CACNA1C: variants seen among roughly 807,000 people sequenced by gnomAD.
CACNA1C encodes calcium voltage-gated channel subunit alpha1 C.
CACNA1C carries 30 observed loss-of-function variants against 229.0 expected under a neutral mutation model. That is an observed-to-expected ratio of 0.13 (90% CI 0.10 to 0.18). The LOEUF is 0.18. Ranked by LOEUF, CACNA1C falls within the 10% of genes least tolerant of loss-of-function variation. The probability of loss-of-function intolerance (pLI) is 1.00; values close to 1 mark genes in which losing one functional copy is unlikely to be tolerated. For missense variants in CACNA1C, 1,658 were observed against 2,845.0 expected (o/e 0.58, Z 9.49); for synonymous variants, 1,114 against 1,132.5 (o/e 0.98, Z 0.33).
chr12:2,654,532 A>G lies in CACNA1C; in HGVS notation c.4141-615A>G, dbSNP rs936263370. ...CCAAACTTGGCAGGGCGCCCACACTAGCCCAAAGCGCTTCCTCGGCCGCTC... is the reference window on the plus strand; with the variant it reads ...CCAAACTTGGCAGGGCGCCCACACTGGCCCAAAGCGCTTCCTCGGCCGCTC... On this transcript the variant is annotated intron_variant, in intron 33 of 46. Transcript: ENST00000399655. This position sits in a 1 kb window ranked among gnomAD's most constrained non-coding sequence, Gnocchi z 4.4. 6.6e-6 allele frequency among the ~76,000 whole-genome samples: 1 copy of G among 152,170 alleles called. No homozygotes were observed. Among genetic ancestry groups the G allele is most frequent in the East Asian group, 1.9e-4 (1 of 5,182 alleles).
intron 3 of CACNA1C, among the ~76,000 whole-genome samples, chr12:2,358,296 TGTGTGTGTGTGTC>T (rs2097447804): frequency 7.2e-6 from 1 of 138,580 alleles, no homozygotes; most frequent in African/African-American, 2.9e-5. Context: ...TGTGTGTGTG[TGTGTGTGTGTGTC>T]TCTTTGTCAT....
chr12:2,311,588 C>T (rs753676550), intron 3 of CACNA1C, among the ~76,000 whole-genome samples: 4 of 152,280 alleles, frequency 2.6e-5, no homozygotes, highest in Middle Eastern at 3.4e-3. Flanking sequence ...CGTGAGAAGC[C>T]TAACTGGGCA....
intron 3 of CACNA1C, among the ~76,000 whole-genome samples, chr12:2,386,438 C>A (rs1362330535): frequency 6.6e-6 from 1 of 152,222 alleles, no homozygotes; most frequent in South Asian, 2.1e-4. Context: ...CTGCCACACA[C>A]AACCAACTGC....
intron 1 of CACNA1C, among the ~76,000 whole-genome samples, chr12:2,076,850 T>G (rs2063394344): frequency 6.6e-6 from 1 of 152,206 alleles, no homozygotes; most frequent in South Asian, 2.1e-4. Flanking sequence ...ACGCAGTTGC[T>G]GTGTGTGAAG....
intron 3 of CACNA1C, among the ~76,000 whole-genome samples, chr12:2,260,352 T>G (rs1240423264): frequency 2.0e-5 from 3 of 151,366 alleles, no homozygotes; most frequent in African/African-American, 7.3e-5. Context: ...GCCACGTGCC[T>G]GTAGTCCCAG....
chr12:2,194,081 T>C (rs1162677945), intron 3 of CACNA1C, among the ~76,000 whole-genome samples: 1 of 152,104 alleles, frequency 6.6e-6, no homozygotes, highest in Non-Finnish European at 1.5e-5. Context: ...TTCCCACTGA[T>C]GCAGCCCAAG....
intron 3 of CACNA1C, among the ~76,000 whole-genome samples, chr12:2,308,554 G>C (rs2095232636): frequency 6.6e-6 from 1 of 152,162 alleles, no homozygotes; most frequent in Non-Finnish European, 1.5e-5. Flanking sequence ...TCTTGTTTTT[G>C]TGCCAGTACC....
intron 3 of CACNA1C, among the ~76,000 whole-genome samples, chr12:2,284,543 GGA>G (rs1206887974): frequency 6.6e-6 from 1 of 152,112 alleles, no homozygotes; most frequent in Non-Finnish European, 1.5e-5. Flanking sequence ...AACTCTTTAG[GGA>G]GAGAGCTCAC....
At chr12:2,662,188 G>A (rs1364045383) in intron 34 of CACNA1C, among the ~76,000 whole-genome samples, 1 of 151,080 alleles carries the variant, frequency 6.6e-6, no homozygotes, top group African/African-American at 2.4e-5. Flanking sequence ...GTTGCAGTGA[G>A]CCAAGATTGC....
At chr12:2,019,701 T>A (rs74573904) in intron 1 of CACNA1C, among the ~76,000 whole-genome samples, 2,314 of 152,334 alleles carry the variant, frequency 0.015, 64 homozygotes, top group African/African-American at 0.05. Flanking sequence ...ACTATAGCAA[T>A]CATTTGATTT....
chr12:2,276,213 G>T (rs2087948490), intron 3 of CACNA1C, among the ~76,000 whole-genome samples: 1 of 152,176 alleles, frequency 6.6e-6, no homozygotes, highest in Admixed American at 6.5e-5. Flanking sequence ...ACTACTGTTG[G>T]TTGGCTCCAG....
intron 13 of CACNA1C, among the ~76,000 whole-genome samples, chr12:2,574,543 G>C (rs2057655012): frequency 6.6e-6 from 1 of 152,184 alleles, no homozygotes; most frequent in Non-Finnish European, 1.5e-5. Context: ...GCCTTGAAAT[G>C]GGAGCTGGGG....
intron 3 of CACNA1C, among the ~76,000 whole-genome samples, chr12:2,261,670 A>G (rs1321282906): frequency 6.6e-6 from 1 of 152,184 alleles, no homozygotes; most frequent in African/African-American, 2.4e-5. Context: ...AAACAGCACT[A>G]TTTACTAGGA....
At chr12:2,128,115 A>G (rs1226218542) in intron 3 of CACNA1C, among the ~76,000 whole-genome samples, 2 of 152,134 alleles carry the variant, frequency 1.3e-5, no homozygotes, top group East Asian at 1.9e-4. Flanking sequence ...GTGAAGTGTT[A>G]TCCCTTTATT....
chr12:2,005,913 C>T (rs1422752719), intron 1 of CACNA1C, among the ~76,000 whole-genome samples: 2 of 152,212 alleles, frequency 1.3e-5, no homozygotes, highest in Non-Finnish European at 2.9e-5. Context: ...AGAAGAATAT[C>T]CACAATTGTC....
chr12:2,116,765 G>A (rs1565797004), intron 2 of CACNA1C, among the ~76,000 whole-genome samples: 1 of 152,084 alleles, frequency 6.6e-6, no homozygotes, highest in East Asian at 1.9e-4. Flanking sequence ...ATGTGGTCAG[G>A]AACAGATGGG....
rs1054674666 is a variant in CACNA1C at position 2,108,191 on chromosome 12, C to A, written c.50-7033C>A. Among the ~76,000 whole-genome samples the A allele has an allele frequency of 2.0e-5, 3 of 152,088 alleles. No individual in the cohort carries two copies. The highest frequency in any genetic ancestry group is 2.9e-5 in the Non-Finnish European group (2 of 68,032). The stretch of plus-strand genomic sequence containing the variant: ...AGGCCTATAACAGAAACTTCTGTAG[C>A]CGTGTTTAGAGGAAAGATAGTACAG... On this transcript the variant is annotated intron_variant, in intron 1 of 46. Transcript: ENST00000399655. The surrounding 1 kb of genome is among the most constrained non-coding windows in gnomAD (Gnocchi z 5.3).
intron 1 of CACNA1C, among the ~76,000 whole-genome samples, chr12:2,006,799 T>C (rs1418135188): frequency 6.6e-6 from 1 of 152,256 alleles, no homozygotes; most frequent in Non-Finnish European, 1.5e-5. Flanking sequence ...GCAGTCTGAC[T>C]GAGAACATAT....
chr12:2,543,186 A>G (rs1364839855), intron 9 of CACNA1C, among the ~76,000 whole-genome samples: 3 of 152,246 alleles, frequency 2.0e-5, no homozygotes. Flanking sequence ...CTTCCTGTAT[A>G]GCTTTCTTCC....
Sources: allele counts gnomAD v4.1 joint callset (sites outside exome capture counted in the v4.1 genomes callset), GRCh38; gene constraint gnomAD v4.1.1; non-coding constraint Gnocchi (gnomAD v3.1); transcripts MANE v1.5; gene names NCBI Gene and HGNC (gene_info 2026-07-23, HGNC 2026-07-21).